The following CD96 variants were observed in gnomAD, a reference collection of about 807,000 sequenced individuals.
CD96 encodes CD96 molecule, also known as T-cell surface protein tactile.
A neutral mutation model predicts 71.3 loss-of-function variants in CD96; 70 were observed. That is an observed-to-expected ratio of 0.98 (90% CI 0.81 to 1.20). The LOEUF (loss-of-function observed/expected upper bound fraction) is 1.20, where lower values mean the gene tolerates loss of function less well. CD96 is among the 50% of genes most tolerant of loss of function. CD96 has a pLI of 0.00. For missense variants in CD96, 742 were observed against 677.5 expected (o/e 1.10, Z -1.06); for synonymous variants, 248 against 233.0 (o/e 1.06, Z -0.59).
chr3:111,579,066 C>T lies in CD96; in HGVS notation c.583C>T (p.His195Tyr), dbSNP rs759301469. 4.3e-6 allele frequency: 7 copies of T among 1,610,034 alleles called. No homozygotes were observed. The South Asian group carries it at 7.7e-5, about 18-fold the overall frequency. Residue 195 changes from histidine to tyrosine, a missense_variant, in exon 4 of 14, where the codon CAC becomes TAC. His to Tyr is a moderately conservative substitution (Grantham distance 83). Coordinates refer to ENST00000352690, the MANE Select transcript of CD96 (RefSeq NM_005816.5). Reference sequence around the variant, plus strand: ...TCAGGAAACACTTATCTCCCAAAATCACCTCATCAGCAATTCCACATTACT... The same window carrying T: ...TCAGGAAACACTTATCTCCCAAAATTACCTCATCAGCAATTCCACATTACT... ...GTQETLISQN[H>Y]LISNSTLLKD... is the part of the protein sequence containing the mutation.
chr3:111,548,299 C>T (rs964166305), intron 2 of CD96, among the ~76,000 whole-genome samples: 5 of 152,138 alleles, frequency 3.3e-5, no homozygotes, highest in Non-Finnish European at 7.4e-5. Context: ...AAATCCTGTT[C>T]CCATGTTCCC....
chr3:111,663,214 G>A (rs567312189), intron 14 of CD96, among the ~76,000 whole-genome samples: 14 of 152,146 alleles, frequency 9.2e-5, no homozygotes, highest in African/African-American at 1.9e-4. Flanking sequence ...GTGAGATCTC[G>A]TGAGAACTCA....
chr3:111,579,050 A>T lies in CD96; in HGVS notation c.567A>T (p.Thr189=). The T allele has an allele frequency of 6.2e-7, 1 of 1,606,440 alleles. No individual in the cohort carries two copies. The highest frequency in any genetic ancestry group is 8.5e-7 in the Non-Finnish European group (1 of 1,172,972). Residue 189 remains threonine, a synonymous_variant, in exon 4 of 14, where the codon ACA becomes ACT. Coordinates refer to ENST00000352690, the MANE Select transcript of CD96 (RefSeq NM_005816.5). ...WSVEDNGTQE[T]LISQNHLISN... ...AGGAGGATAATGGAACTCAGGAAAC[A>T]CTTATCTCCCAAAATCACCTCATCA...
downstream of CD96, among the ~76,000 whole-genome samples, chr3:111,653,181 C>A (rs747630153): frequency 5.0e-4 from 76 of 152,152 alleles, 2 homozygotes; most frequent in East Asian, 1.9e-4. Context: ...ATGAGAAGAT[C>A]GTTTTCAGAC....
chr3:111,601,730 A>G (rs889371476), intron 7 of CD96, among the ~76,000 whole-genome samples: 1 of 152,246 alleles, frequency 6.6e-6, no homozygotes, highest in East Asian at 1.9e-4. Flanking sequence ...TCCTATTTTC[A>G]GAGATATCAT....
At chr3:111,653,615 C>G (rs972198963), downstream of CD96, among the ~76,000 whole-genome samples, 2 of 152,146 alleles carry the variant, frequency 1.3e-5, no homozygotes, top group Non-Finnish European at 2.9e-5. Flanking sequence ...GTGAAATTGA[C>G]TTGTCCAAGG....
At chr3:111,601,056 TCAAA>T in intron 7 of CD96, 142 bp downstream of exon 7, 1 of 587,426 alleles carries the variant, frequency 1.7e-6, no homozygotes, top group Non-Finnish European at 3.0e-6. Context: ...TTTCAAGTTA[TCAAA>T]CATTTTTGAC....
chr3:111,546,972 G>A (rs1309943325), intron 2 of CD96, among the ~76,000 whole-genome samples: 1 of 134,374 alleles, frequency 7.4e-6, no homozygotes, highest in Non-Finnish European at 1.7e-5. Flanking sequence ...GGATGGAGTG[G>A]AGTGGGATTG....
At chr3:111,605,230 C>T (rs377199665) in intron 7 of CD96, among the ~76,000 whole-genome samples, 38 of 152,288 alleles carry the variant, frequency 2.5e-4, no homozygotes, top group African/African-American at 8.7e-4. Flanking sequence ...GAGGCATTTG[C>T]TAGGGTAAAC....
At chr3:111,662,433 T>C (rs1940381676) in intron 14 of CD96, among the ~76,000 whole-genome samples, 1 of 152,266 alleles carries the variant, frequency 6.6e-6, no homozygotes, top group Non-Finnish European at 1.5e-5. Context: ...ATTTTTCTTT[T>C]CTACCACATG....
chr3:111,570,693 C>T, intron 3 of CD96: 3 of 1,612,212 alleles, frequency 1.9e-6, no homozygotes, highest in South Asian at 2.2e-5. Flanking sequence ...ATCAGAGGGG[C>T]TGCTGTAGGA....
intron 8 of CD96, among the ~76,000 whole-genome samples, chr3:111,614,646 GT>G (rs1938136121): frequency 6.6e-6 from 1 of 152,074 alleles, no homozygotes; most frequent in Admixed American, 6.5e-5. Flanking sequence ...ACCCTATTAT[GT>G]CTGGAAAAAT....
chr3:111,548,931 G>A (rs113578219), intron 2 of CD96, among the ~76,000 whole-genome samples: 18 of 152,272 alleles, frequency 1.2e-4, no homozygotes, highest in African/African-American at 4.3e-4. Context: ...TAGGCACAGA[G>A]TAGGCATATA....
chr3:111,579,413 A>G, intron 4 of CD96, 179 bp downstream of exon 4: 2 of 679,628 alleles, frequency 2.9e-6, no homozygotes, highest in South Asian at 3.0e-5. Context: ...AGGATGCTAA[A>G]GAATGATGAT....
At chr3:111,639,368 T>C (rs1429660039) in intron 12 of CD96, among the ~76,000 whole-genome samples, 1 of 152,132 alleles carries the variant, frequency 6.6e-6, no homozygotes. Context: ...TTCCCCCCTC[T>C]TTCCTGACAA....
chr3:111,548,090 C>G (rs563568231), intron 2 of CD96, among the ~76,000 whole-genome samples: 1 of 152,180 alleles, frequency 6.6e-6, no homozygotes, highest in Non-Finnish European at 1.5e-5. Context: ...AGTTTACAAG[C>G]TAGTTGGGTA....
At chr3:111,632,089 G>A (rs1939093413) in intron 10 of CD96, among the ~76,000 whole-genome samples, 1 of 152,126 alleles carries the variant, frequency 6.6e-6, no homozygotes, top group Admixed American at 6.5e-5. Context: ...GATGCCAAAA[G>A]CAATTGCAAC....
chr3:111,608,527 T>G (rs1937743740), intron 8 of CD96, among the ~76,000 whole-genome samples: 1 of 152,244 alleles, frequency 6.6e-6, no homozygotes, highest in African/African-American at 2.4e-5. Context: ...CAAGCATTAT[T>G]GTTCCCACTT....
intron 4 of CD96, among the ~76,000 whole-genome samples, chr3:111,581,645 G>A (rs1002950613): frequency 6.6e-6 from 1 of 152,176 alleles, no homozygotes; most frequent in Non-Finnish European, 1.5e-5. Context: ...ACAGGGTTCT[G>A]TTCCACTCCT....
Sources: gnomAD v4.1 joint callset for allele counts (sites outside exome capture counted in the v4.1 genomes callset) on GRCh38, gnomAD v4.1.1 for gene constraint, MANE v1.5 for transcripts, NCBI Gene and HGNC (gene_info 2026-07-23, HGNC 2026-07-21) for gene names.